Variants in MINDY1 observed in about 807,000 individuals in gnomAD.
MINDY1 encodes the protein ubiquitin carboxyl-terminal hydrolase MINDY-1.
A neutral mutation model predicts 53.6 loss-of-function variants in MINDY1; 50 were observed. The ratio of observed to expected loss-of-function variants is 0.93; its 90% CI spans 0.74 to 1.18. MINDY1 has a LOEUF of 1.18. Among genes scored for constraint, MINDY1 ranks in the 50% most tolerant of loss-of-function variants. The pLI, the probability that MINDY1 is intolerant of heterozygous loss-of-function variation, is 0.00. For synonymous variants in MINDY1, 231 were observed against 234.7 expected (o/e 0.98, Z 0.14); for missense variants, 484 against 578.6 (o/e 0.84, Z 1.68).
At chr1:150,998,471 C>T (rs1487075137) in intron 7 of MINDY1, among the ~76,000 whole-genome samples, 198 bp from the exon 8 acceptor site, 3 of 152,218 alleles carry the variant, frequency 2.0e-5, no homozygotes, top group East Asian at 3.8e-4. Flanking sequence ...TCTCCTGCCT[C>T]AGCCTCCCAA....
intron 1 of MINDY1, among the ~76,000 whole-genome samples, chr1:151,003,141 A>ATG (rs1268004865): frequency 6.6e-6 from 1 of 152,312 alleles, no homozygotes; most frequent in African/African-American, 2.4e-5. Context: ...CCTCATAGCC[A>ATG]TGACAGAGAT....
At chr1:150,997,417 G>A (rs1191122074) in intron 9 of MINDY1, 50 bp from the exon 10 acceptor site, 3 of 1,564,564 alleles carry the variant, frequency 1.9e-6, no homozygotes, top group Non-Finnish European at 2.6e-6. Flanking sequence ...AAGAGCACAA[G>A]AAGAGATTCT....
rs758866753 is a variant in MINDY1, at chr1:151,002,619, G to A, written c.-2C>T. On this transcript the variant is annotated 5_prime_UTR_variant, in exon 2 of 10. Transcript: ENST00000683666. This position sits in a 1 kb window ranked among gnomAD's most constrained non-coding sequence, Gnocchi z 4.1. Reference sequence around the variant, plus strand: ...ATCCTCAGGCTGATGGTATTCCATGGTCAAAAGGGACTTGGCTGAGGGGCA... The same window carrying A: ...ATCCTCAGGCTGATGGTATTCCATGATCAAAAGGGACTTGGCTGAGGGGCA... 3 of 1,614,142 alleles carry A rather than the reference G, an allele frequency of 1.9e-6. No homozygotes were observed. The highest frequency in any genetic ancestry group is 2.5e-6 in the Non-Finnish European group (3 of 1,179,988).
intron 8 of MINDY1, 90 bp downstream of exon 8, chr1:150,997,992 T>A: frequency 7.3e-7 from 1 of 1,376,598 alleles, no homozygotes; most frequent in Non-Finnish European, 9.9e-7. Context: ...AGGCATGGGT[T>A]CACATGGCCT....
chr1:151,001,004 T>A (rs2102844053), intron 4 of MINDY1, among the ~76,000 whole-genome samples: 1 of 152,254 alleles, frequency 6.6e-6, no homozygotes, highest in South Asian at 2.1e-4. Flanking sequence ...TTGCCCAGGC[T>A]GGCCTCGAAC....
chr1:150,997,516 T>G (rs2925740), intron 9 of MINDY1, 108 bp downstream of exon 9: 4 of 1,578,418 alleles, frequency 2.5e-6, no homozygotes, highest in Non-Finnish European at 2.6e-6. Flanking sequence ...GGGGAAGGAC[T>G]CTGAGAGAAG....
At position 150,997,076 on chromosome 1, in the gene MINDY1, C is replaced by T. The variant is rs1671905468; in HGVS notation, c.*211G>A. 1 of 602,872 alleles carries T rather than the reference C, an allele frequency of 1.7e-6. No homozygotes were observed. The highest frequency in any genetic ancestry group is 1.9e-5 in the African/African-American group (1 of 53,970). 37.3% of individuals were successfully genotyped at this position (602,872 alleles called of 1,614,324 possible). A position where few individuals can be genotyped will look rare whatever the true frequency, so the allele number is the denominator to read the frequency against. ...GTTGAGAACCAGAAACCCACCAATC[C>T]TAGTGTTGCCCTGGATGGGAGGCAG... On this transcript the variant is annotated 3_prime_UTR_variant, in exon 10 of 10. Transcript: ENST00000683666.
At chr1:151,000,081 C>A in intron 5 of MINDY1, 117 bp from the exon 6 acceptor site, 2 of 701,624 alleles carry the variant, frequency 2.9e-6, no homozygotes, top group Non-Finnish European at 2.3e-6. Flanking sequence ...GGTTCCTAAA[C>A]ACTTTTTTTT....
Position 150,997,001 on chromosome 1 carries a change from C to A in MINDY1, c.*286G>T. The A allele has an allele frequency of 4.4e-6, 2 of 451,484 alleles. No individual in the cohort carries two copies. Among genetic ancestry groups the A allele is most frequent in the Non-Finnish European group, 8.0e-6 (2 of 250,156 alleles). The allele number at this position is 451,484 out of a possible 1,614,324, so 28.0% of individuals were successfully genotyped here. ...AGAGATGCATTCTGGATAGGGACCT[C>A]ACCCCAGAGCCTCAGTCTGTACATA... On this transcript the variant is annotated 3_prime_UTR_variant, in exon 10 of 10. Transcript: ENST00000683666.
intron 1 of MINDY1, among the ~76,000 whole-genome samples, chr1:151,003,193 A>G (rs1672772842): frequency 6.6e-6 from 1 of 152,164 alleles, no homozygotes; most frequent in African/African-American, 2.4e-5. Context: ...TTCACACAAC[A>G]TACTAAGAAT....
In MINDY1 at chr1:151,002,733, G is replaced by A; in HGVS notation, c.-89-27C>T. 1.3e-6 allele frequency: 2 copies of A among 1,540,146 alleles called. No homozygotes were observed. The highest frequency in any genetic ancestry group is 1.8e-6 in the Non-Finnish European group (2 of 1,141,796). ...TGTCCAATAAGAAGGAAATCAGTGG[G>A]CTGGAAAGCAAACTAACCCAGAAAA... On this transcript the variant is annotated intron_variant, in intron 1 of 9. Transcript: ENST00000683666. This position sits in a 1 kb window ranked among gnomAD's most constrained non-coding sequence, Gnocchi z 4.1.
Position 151,006,441 on chromosome 1 carries a change from T to C in MINDY1, c.-219A>G, listed in dbSNP as rs2102874429. 1.6e-6 allele frequency: 2 copies of C among 1,262,166 alleles called. No homozygotes were observed. The highest frequency in any genetic ancestry group is 1.5e-5 in the African/African-American group (1 of 65,606). The allele number at this position is 1,262,166 out of a possible 1,614,324, so 78.2% of individuals were successfully genotyped here. ...TTCCAGCTGTCAACGCCTGAGCTTA[T>C]ACAGGTTTACACAGCTTTATAAGCG... On this transcript the variant is annotated 5_prime_UTR_variant, in exon 1 of 10. Coordinates refer to ENST00000683666, the MANE Select transcript of MINDY1 (RefSeq NM_001376665.1).
chr1:151,006,570 G>A lies in MINDY1; in HGVS notation c.-348C>T, dbSNP rs189395078. On this transcript the variant is annotated 5_prime_UTR_variant, in exon 1 of 10. Transcript: ENST00000683666. ...GGACACAGCCAAGGTGCTCCAGGTC[G>A]CTCAGAGAGTCTTCAGGATTCCTGA... 4 of 995,498 alleles carry A rather than the reference G, an allele frequency of 4.0e-6. No homozygotes were observed. Among genetic ancestry groups the A allele is most frequent in the Admixed American group, 1.2e-4 (2 of 16,772 alleles). 61.7% of individuals were successfully genotyped at this position (995,498 alleles called of 1,614,324 possible). A position where few individuals can be genotyped will look rare whatever the true frequency, so the allele number is the denominator to read the frequency against.
At position 151,002,007 on chromosome 1, in the gene MINDY1, T is replaced by A. The variant is rs186256396; in HGVS notation, c.453+158A>T. ...CTTCCTCTTTTTTTTTTTTCTTTGT[T>A]TTTAGGAACATCTTATCTCATTTGC... On this transcript the variant is annotated intron_variant, in intron 2 of 9. Transcript: ENST00000683666. This position sits in a 1 kb window ranked among gnomAD's most constrained non-coding sequence, Gnocchi z 4.1. Among the ~76,000 whole-genome samples, 222 of 152,116 alleles carry A rather than the reference T, an allele frequency of 1.5e-3. 1 individual carries two copies. The highest frequency in any genetic ancestry group is 0.013 in the Admixed American group (199 of 15,282).
In MINDY1 at chr1:151,006,345, A is replaced by G; in HGVS notation, c.-123T>C. 1 of 1,407,128 alleles carries G rather than the reference A, an allele frequency of 7.1e-7. No individual in the cohort carries two copies. Among genetic ancestry groups the G allele is most frequent in the Non-Finnish European group, 9.2e-7 (1 of 1,081,610 alleles). 87.2% of individuals were successfully genotyped at this position (1,407,128 alleles called of 1,614,324 possible). A position where few individuals can be genotyped will look rare whatever the true frequency, so the allele number is the denominator to read the frequency against. ...AGGGGGTGCTGTTCCAAGATTGAGA[A>G]GGAGGGTTCAGCCGTGGCAATGAGA... On this transcript the variant is annotated 5_prime_UTR_variant, in exon 1 of 10. Transcript: ENST00000683666.
chr1:151,002,631 T>A lies in MINDY1; in HGVS notation c.-14A>T. On this transcript the variant is annotated 5_prime_UTR_variant, in exon 2 of 10. It adds an upstream start codon to the 5' untranslated region. Coordinates refer to ENST00000683666, the MANE Select transcript of MINDY1 (RefSeq NM_001376665.1). The surrounding 1 kb of genome is among the most constrained non-coding windows in gnomAD (Gnocchi z 4.1). ...ATGGTATTCCATGGTCAAAAGGGAC[T>A]TGGCTGAGGGGCACTGAAGGTGTTT... The A allele has an allele frequency of 6.2e-7, 1 of 1,614,026 alleles. No homozygotes were observed. Among genetic ancestry groups the A allele is most frequent in the Non-Finnish European group, 8.5e-7 (1 of 1,179,918 alleles).
chr1:151,004,117 T>C lies in MINDY1; in HGVS notation c.-89-1411A>G, dbSNP rs587730073. On this transcript the variant is annotated intron_variant, in intron 1 of 9. Transcript: ENST00000683666. ...TTGTATTTTTTAGTAGAGATGGAGT[T>C]TCTCCATGTTGGTCAGGCTGGTCTT... is the stretch of plus-strand genomic sequence containing the variant. Among the ~76,000 whole-genome samples the C allele has an allele frequency of 3.9e-5, 6 of 151,972 alleles. No individual in the cohort carries two copies. In the South Asian group the frequency reaches 1.2e-3, roughly 32 times the overall value.
intron 1 of MINDY1, among the ~76,000 whole-genome samples, chr1:151,003,184 T>TC (rs1672771876): frequency 1.3e-5 from 2 of 152,256 alleles, no homozygotes; most frequent in South Asian, 4.1e-4. Flanking sequence ...CCCTGCCCCT[T>TC]CACACAACAT....
At chr1:151,005,990 C>T in intron 1 of MINDY1, 1 of 1,389,364 alleles carries the variant, frequency 7.2e-7, no homozygotes. Flanking sequence ...CCCTTACTGT[C>T]TCACACCAAT....
Sources: allele counts gnomAD v4.1 joint callset (sites outside exome capture counted in the v4.1 genomes callset), GRCh38; gene constraint gnomAD v4.1.1; non-coding constraint Gnocchi (gnomAD v3.1); transcripts MANE v1.5; gene names NCBI Gene and HGNC (gene_info 2026-07-23, HGNC 2026-07-21).